Variants in PLXNA2 observed in about 807,000 individuals in gnomAD.
The protein encoded by PLXNA2 is plexin-A2.
PLXNA2 carries 91 observed loss-of-function variants against 193.5 expected under a neutral mutation model. The observed-to-expected ratio is 0.47, with a 90% CI of 0.40 to 0.56. The LOEUF is 0.56. Among genes scored for constraint, PLXNA2 ranks in the 20% least tolerant of loss-of-function variants. The probability of loss-of-function intolerance (pLI) is 0.00; values close to 1 mark genes in which losing one functional copy is unlikely to be tolerated. For missense variants in PLXNA2, 1,995 were observed against 2,503.2 expected (o/e 0.80, Z 4.33); for synonymous variants, 997 against 1,027.3 (o/e 0.97, Z 0.56).
At chr1:208,036,493 G>A (rs757138605) in intron 26 of PLXNA2, among the ~76,000 whole-genome samples, 4 of 152,194 alleles carry the variant, frequency 2.6e-5, no homozygotes, top group South Asian at 2.1e-4. Context: ...GAGCCTTACC[G>A]GTCAGTGGGG....
intron 4 of PLXNA2, among the ~76,000 whole-genome samples, chr1:208,123,772 C>A (rs61815418): frequency 6.6e-6 from 1 of 152,194 alleles, no homozygotes; most frequent in Non-Finnish European, 1.5e-5. Flanking sequence ...GAAAGCAGTA[C>A]CCTTGGGCCA....
intron 13 of PLXNA2, among the ~76,000 whole-genome samples, chr1:208,055,773 C>A (rs950613067): frequency 6.6e-6 from 1 of 152,206 alleles, no homozygotes; most frequent in Admixed American, 6.5e-5. Context: ...TAAACAAATA[C>A]GCTGCATGCT....
intron 3 of PLXNA2, among the ~76,000 whole-genome samples, chr1:208,178,493 A>C (rs980394486): frequency 1.3e-5 from 2 of 152,176 alleles, no homozygotes; most frequent in Non-Finnish European, 2.9e-5. Context: ...AAGGCCTAAA[A>C]TACCAAATGA....
intron 3 of PLXNA2, among the ~76,000 whole-genome samples, chr1:208,191,999 T>C (rs372090752): frequency 1.3e-5 from 2 of 152,168 alleles, no homozygotes; most frequent in African/African-American, 4.8e-5. Flanking sequence ...CCTTGCCTCA[T>C]GGTGGGAGTA....
At chr1:208,171,096 G>C (rs2102530673) in intron 3 of PLXNA2, among the ~76,000 whole-genome samples, 1 of 152,292 alleles carries the variant, frequency 6.6e-6, no homozygotes, top group Non-Finnish European at 1.5e-5. Context: ...CTGAACCAGG[G>C]GACATAGATT....
intron 4 of PLXNA2, among the ~76,000 whole-genome samples, chr1:208,115,151 A>T (rs1667598646): frequency 6.6e-6 from 1 of 152,152 alleles, no homozygotes; most frequent in Non-Finnish European, 1.5e-5. Flanking sequence ...GGCAGCAATG[A>T]CCACATGGCC....
chr1:208,201,265 T>G (rs940934395), intron 3 of PLXNA2, among the ~76,000 whole-genome samples: 3 of 152,142 alleles, frequency 2.0e-5, no homozygotes, highest in African/African-American at 7.2e-5. Context: ...TGTGGAGACA[T>G]GCAAAGGGGG....
At chr1:208,029,218 AG>A in intron 29 of PLXNA2, 176 bp from the exon 30 acceptor site, 2 of 1,427,448 alleles carry the variant, frequency 1.4e-6, no homozygotes, top group Non-Finnish European at 1.8e-6. Context: ...CTGACCTGGG[AG>A]AAATGGAAGG....
chr1:208,193,246 T>G (rs915944429), intron 3 of PLXNA2, among the ~76,000 whole-genome samples: 1 of 152,256 alleles, frequency 6.6e-6, no homozygotes, highest in African/African-American at 2.4e-5. Flanking sequence ...CAACCCTTTT[T>G]GGGCTCACAT....
chr1:208,178,781 T>C (rs1669745714), intron 3 of PLXNA2, among the ~76,000 whole-genome samples: 15 of 152,228 alleles, frequency 9.9e-5, no homozygotes, highest in Admixed American at 9.8e-4. Flanking sequence ...CAACATCAAC[T>C]GGAAACTTAC....
In PLXNA2 at chr1:208,045,214, T is replaced by A; in HGVS notation, c.3496-4A>T. On this transcript the variant is annotated splice_region_variant and splice_polypyrimidine_tract_variant and intron_variant, in intron 18 of 31. Transcript: ENST00000367033. ...CAGGAGGGCAGAGGTTTTTGCCCTG[T>A]AGAGAATAGCAGTCTTTATAGGCAT... 1.9e-6 allele frequency: 3 copies of A among 1,613,834 alleles called. No individual in the cohort carries two copies. The highest frequency in any genetic ancestry group is 1.7e-6 in the Non-Finnish European group (2 of 1,179,788).
chr1:208,218,122 T>C, intron 1 of PLXNA2, 120 bp from the exon 2 acceptor site: 1 of 826,430 alleles, frequency 1.2e-6, no homozygotes, highest in Admixed American at 2.7e-5. Context: ...TTCTGCATTT[T>C]GGTTTTTCTA....
intron 1 of PLXNA2, among the ~76,000 whole-genome samples, chr1:208,222,839 G>A (rs12126061): frequency 0.11 from 17,355 of 152,218 alleles, 1,293 homozygotes; most frequent in Non-Finnish European, 0.16. Flanking sequence ...GTTCCTGTTA[G>A]TAGCTCTCAT....
chr1:208,162,621 A>G (rs1189545293), intron 3 of PLXNA2, among the ~76,000 whole-genome samples: 1 of 152,226 alleles, frequency 6.6e-6, no homozygotes, highest in Non-Finnish European at 1.5e-5. Context: ...CAGGCAAGGA[A>G]GGCAGATAAA....
rs1215416041 is a variant in PLXNA2 at position 208,093,004 on chromosome 1, A to T, written c.1983-104T>A. 5.5e-6 allele frequency: 4 copies of T among 725,834 alleles called. No homozygotes were observed. In the East Asian group the frequency reaches 1.1e-4, roughly 20 times the overall value. The allele number at this position is 725,834 out of a possible 1,614,324, so 45.0% of individuals were successfully genotyped here. ...TAACCTGTGTTTAAATCCTAGTCTCATTCTCAGGAGGGAAGACTGGTGGGC... is the reference window on the plus strand; with the variant it reads ...TAACCTGTGTTTAAATCCTAGTCTCTTTCTCAGGAGGGAAGACTGGTGGGC... On this transcript the variant is annotated intron_variant, in intron 8 of 31. Coordinates refer to ENST00000367033, the MANE Select transcript of PLXNA2 (RefSeq NM_025179.4).
At position 208,027,185 on chromosome 1, in the gene PLXNA2, A is replaced by T. The variant is rs1288519272; in HGVS notation, c.*58T>A. The T allele has an allele frequency of 1.8e-5, 25 of 1,418,408 alleles. No homozygotes were observed. The East Asian group carries it at 5.3e-4, about 30-fold the overall frequency. 87.9% of individuals were successfully genotyped at this position (1,418,408 alleles called of 1,614,324 possible). A position where few individuals can be genotyped will look rare whatever the true frequency, so the allele number is the denominator to read the frequency against. ...CCCATCACTTGTCCTTCCATCTGAG[A>T]CTCCCAGTGTGACAGCTTGGACAGG... is the stretch of plus-strand genomic sequence containing the variant. On this transcript the variant is annotated 3_prime_UTR_variant, in exon 32 of 32. Transcript: ENST00000367033.
intron 1 of PLXNA2, among the ~76,000 whole-genome samples, chr1:208,239,775 G>A (rs1215774394): frequency 1.3e-5 from 2 of 152,182 alleles, no homozygotes; most frequent in East Asian, 1.9e-4. Flanking sequence ...TCTGACACAC[G>A]CCCTGCCCTG....
intron 3 of PLXNA2, among the ~76,000 whole-genome samples, chr1:208,200,702 C>T (rs1343733667): frequency 1.3e-5 from 2 of 151,584 alleles, no homozygotes; most frequent in South Asian, 2.1e-4. Context: ...AGCGATTCTC[C>T]TGCCTCCTGC....
chr1:208,164,863 T>G (rs950806507), intron 3 of PLXNA2, among the ~76,000 whole-genome samples: 9 of 152,188 alleles, frequency 5.9e-5, no homozygotes, highest in Non-Finnish European at 1.0e-4. Context: ...GCCGGGACCC[T>G]TGTCTGCAGA....
Sources: allele counts gnomAD v4.1 joint callset (sites outside exome capture counted in the v4.1 genomes callset), GRCh38; gene constraint gnomAD v4.1.1; transcripts MANE v1.5; gene names NCBI Gene and HGNC (gene_info 2026-07-23, HGNC 2026-07-21).